The following C5orf58 variants were observed in gnomAD, a reference collection of about 807,000 sequenced individuals.
The protein encoded by C5orf58 is putative uncharacterized protein C5orf58.
A neutral mutation model predicts 2.9 loss-of-function variants in C5orf58; 2 were observed. That is an observed-to-expected ratio of 0.69 (90% CI 0.28 to 2.18). The LOEUF (loss-of-function observed/expected upper bound fraction) is 2.18, where lower values mean the gene tolerates loss of function less well. C5orf58 is among the 30% of genes most tolerant of loss of function. The probability of loss-of-function intolerance (pLI) is 0.13; values close to 1 mark genes in which losing one functional copy is unlikely to be tolerated. For synonymous variants in C5orf58, 37 were observed against 33.4 expected, an observed-to-expected ratio of 1.11 and a Z score of -0.37; for missense variants, 96 against 91.7, an observed-to-expected ratio of 1.05 and a Z score of -0.19.
downstream of C5orf58, chr5:170,250,639 A>T: frequency 2.0e-6 from 2 of 1,016,386 alleles, no homozygotes; most frequent in Non-Finnish European, 3.1e-6. Flanking sequence ...AATTTGCCAT[A>T]CAGCACGGAC....
chr5:170,237,416 A>C (rs1760789465), intron 3 of C5orf58: 1 of 397,108 alleles, frequency 2.5e-6, no homozygotes, highest in Non-Finnish European at 4.4e-6. Flanking sequence ...GAGAGATTTA[A>C]CTTTTTCAAG....
chr5:170,239,502 C>A (rs1760889146), intron 3 of C5orf58, among the ~76,000 whole-genome samples: 1 of 150,270 alleles, frequency 6.7e-6, no homozygotes, highest in South Asian at 2.1e-4. Context: ...CTGAAATGAC[C>A]AAAGCAACAA....
chr5:170,243,171 A>G (rs1002576399), intron 3 of C5orf58, among the ~76,000 whole-genome samples: 4 of 149,186 alleles, frequency 2.7e-5, no homozygotes, highest in African/African-American at 9.9e-5. Flanking sequence ...GTTCTTTTAC[A>G]TTTGCTGAGG....
downstream of C5orf58, chr5:170,248,911 C>T: frequency 8.0e-7 from 1 of 1,249,286 alleles, no homozygotes; most frequent in Admixed American, 1.9e-5. Flanking sequence ...TATATGCTGC[C>T]TCTTCAAGTG....
chr5:170,246,122 T>C lies in C5orf58; in HGVS notation c.*9T>C, dbSNP rs1761280419. 3 of 1,601,522 alleles carry C rather than the reference T, an allele frequency of 1.9e-6. No individual in the cohort carries two copies. The highest frequency in any genetic ancestry group is 2.6e-6 in the Non-Finnish European group (3 of 1,172,658). ...ACAGTTTTTCTATCTGATTTCTTAT[T>C]TGTTATGAGTTTCTGTTTTATTGTT... On this transcript the variant is annotated 3_prime_UTR_variant, in exon 4 of 4. Coordinates refer to ENST00000593851, the MANE Select transcript of C5orf58 (RefSeq NM_001102609.3).
chr5:170,250,661 G>A (rs1056097594), downstream of C5orf58: 15 of 1,206,960 alleles, frequency 1.2e-5, no homozygotes, highest in South Asian at 3.6e-5. Context: ...CTCAAAGATC[G>A]CTCCATGAAG....
At chr5:170,251,564 C>G (rs1031913519) in intron 2 of C5orf58, 1 of 449,776 alleles carries the variant, frequency 2.2e-6, no homozygotes, top group African/African-American at 2.0e-5. Context: ...TTAAACTACT[C>G]CCTTCTCCTC....
At chr5:170,244,488 T>C (rs1015312232) in intron 3 of C5orf58, among the ~76,000 whole-genome samples, 11 of 150,686 alleles carry the variant, frequency 7.3e-5, no homozygotes, top group Non-Finnish European at 1.2e-4. Context: ...CTTTTTATTC[T>C]TTTTTCTCTA....
rs1760624814 is a variant in C5orf58 at position 170,233,826 on chromosome 5, C to T, written c.-84-289C>T. The T allele has an allele frequency of 9.2e-6, 3 of 326,866 alleles. No individual in the cohort carries two copies. The Admixed American group carries it at 1.3e-4, about 15-fold the overall frequency. The allele number at this position is 326,866 out of a possible 1,614,324, so 20.2% of individuals were successfully genotyped here. On this transcript the variant is annotated intron_variant, in intron 1 of 3. Transcript: ENST00000593851. ...GCACCCCACTGTGCCCTCACCCCAC[C>T]CACGCGCTGGGTGCTCGAGGGCCTA... is the stretch of plus-strand genomic sequence containing the variant.
intron 3 of C5orf58, among the ~76,000 whole-genome samples, chr5:170,244,512 G>A (rs965604375): frequency 4.6e-5 from 7 of 151,058 alleles, no homozygotes; most frequent in East Asian, 3.9e-4. Context: ...TTCCCTTCTC[G>A]CTTCATTTCA....
chr5:170,238,949 G>A (rs887356685), intron 3 of C5orf58, among the ~76,000 whole-genome samples: 10 of 152,190 alleles, frequency 6.6e-5, no homozygotes, highest in Non-Finnish European at 1.2e-4. Context: ...GGGGAAAAGG[G>A]CACTCCACAG....
At chr5:170,247,307 C>T (rs1296133752), downstream of C5orf58, 1 of 152,224 alleles carries the variant, frequency 6.6e-6, no homozygotes, top group African/African-American at 2.4e-5. Flanking sequence ...TTTTGTGAAA[C>T]ACCATTTTTA....
downstream of C5orf58, chr5:170,248,672 G>A (rs201067784): frequency 1.3e-4 from 200 of 1,590,652 alleles, no homozygotes; most frequent in Middle Eastern, 3.3e-4. Flanking sequence ...GCAGGAGGAC[G>A]GTTCATTTGC....
downstream of C5orf58, chr5:170,248,584 T>C: frequency 9.1e-7 from 1 of 1,098,234 alleles, no homozygotes; most frequent in East Asian, 2.5e-5. Context: ...AACCCTTGTG[T>C]TCATGGGGAG....
chr5:170,252,007 A>G lies in C5orf58; in HGVS notation c.*352A>G, dbSNP rs562711844. 1.2e-4 allele frequency: 25 copies of G among 200,184 alleles called. No homozygotes were observed. In the South Asian group the frequency reaches 2.1e-3, roughly 17 times the overall value. The allele number at this position is 200,184 out of a possible 1,614,324, so 12.4% of individuals were successfully genotyped here. A position where few individuals can be genotyped will look rare whatever the true frequency, so the allele number is the denominator to read the frequency against. The stretch of plus-strand genomic sequence containing the variant: ...ATTAAAGGACTAGCTAGAAACGTCT[A>G]GGGCAAAAAGCAAAAAGTTGCTGCC... On this transcript the variant is annotated 3_prime_UTR_variant, in exon 3 of 3. Coordinates refer to the C5orf58 transcript ENST00000517575.
In C5orf58 at chr5:170,235,025, AT is replaced by A; in HGVS notation, c.51del (p.Asn19IlefsTer9). The A allele has an allele frequency of 6.5e-7, 1 of 1,546,994 alleles. No homozygotes were observed. Among genetic ancestry groups the A allele is most frequent in the Non-Finnish European group, 8.9e-7 (1 of 1,129,092 alleles). ...TCATAAGCTAAATGTGGACAAAGTA[AT>A]TAAAAATATTAACACAATTTCTTCG... is the stretch of plus-strand genomic sequence containing the variant. ...TDHKLNVDKV[I>X]KNINTISSEL... On this transcript the variant is annotated frameshift_variant, in exon 3 of 4. Coordinates refer to ENST00000593851, the MANE Select transcript of C5orf58 (RefSeq NM_001102609.3). LOFTEE classifies it high-confidence loss of function.
chr5:170,237,036 A>G (rs1030179408), intron 3 of C5orf58, among the ~76,000 whole-genome samples: 1 of 152,190 alleles, frequency 6.6e-6, no homozygotes, highest in African/African-American at 2.4e-5. Flanking sequence ...AAAACAGTTA[A>G]GAAGCTTTAG....
intron 3 of C5orf58, among the ~76,000 whole-genome samples, chr5:170,242,559 T>A (rs1290689954): frequency 9.2e-6 from 1 of 108,194 alleles, no homozygotes; most frequent in East Asian, 2.6e-4. Context: ...TTCTAGTTTA[T>A]TTGCGTAGAG....
chr5:170,234,330 T>G (rs2113080735), intron 2 of C5orf58, 132 bp downstream of exon 2: 2 of 432,870 alleles, frequency 4.6e-6, no homozygotes, highest in Non-Finnish European at 4.4e-6. Flanking sequence ...AGCTTAAGAC[T>G]AGTTTCTAGT....
Sources: gnomAD v4.1 joint callset for allele counts (sites outside exome capture counted in the v4.1 genomes callset) on GRCh38, gnomAD v4.1.1 for gene constraint, MANE v1.5 for transcripts, NCBI Gene and HGNC (gene_info 2026-07-23, HGNC 2026-07-21) for gene names.